RIMBP2: variants seen among roughly 807,000 people sequenced by gnomAD.
RIMBP2 encodes RIMS binding protein 2, also known as RIMS-binding protein 2.
RIMBP2 carries 48 observed loss-of-function variants against 118.6 expected under a neutral mutation model. The observed-to-expected ratio is 0.40, with a 90% CI of 0.32 to 0.51. RIMBP2 has a LOEUF of 0.51. Ranked by LOEUF, RIMBP2 falls within the 20% of genes least tolerant of loss-of-function variation. RIMBP2 has a pLI of 0.41. For missense variants in RIMBP2, 1,551 were observed against 1,768.3 expected (o/e 0.88, Z 2.20); for synonymous variants, 762 against 742.9 (o/e 1.03, Z -0.42).
chr12:130,438,524 G>A lies in RIMBP2; in HGVS notation c.1505-8C>T, dbSNP rs747983578. On this transcript the variant is annotated splice_region_variant and splice_polypyrimidine_tract_variant and intron_variant, in intron 11 of 22. Transcript: ENST00000690449. ...GTGGGGGTGCTGGGGGTCCTGGGAGGGGACAGAAGGGAACGGAGGCGTTCA... is the reference window on the plus strand; with the variant it reads ...GTGGGGGTGCTGGGGGTCCTGGGAGAGGACAGAAGGGAACGGAGGCGTTCA... 1.3e-6 allele frequency: 2 copies of A among 1,588,958 alleles called. No individual in the cohort carries two copies. Among genetic ancestry groups the A allele is most frequent in the East Asian group, 4.5e-5 (2 of 44,382 alleles).
rs897551160 is a variant in RIMBP2 at position 130,604,905 on chromosome 12, C to T, written c.-217+23417G>A. Among the ~76,000 whole-genome samples the T allele has an allele frequency of 4.0e-5, 6 of 151,636 alleles. No individual in the cohort carries two copies. In the East Asian group the frequency reaches 5.9e-4, roughly 15 times the overall value. On this transcript the variant is annotated intron_variant, in intron 2 of 22. Transcript: ENST00000690449. ...CCTCTTTCTCTTATCTTTTATACTG[C>T]ATGTTACTGTGCCTTTTCTGCAAGG...
At chr12:130,499,725 C>T (rs1337889939) in intron 4 of RIMBP2, among the ~76,000 whole-genome samples, 1 of 152,156 alleles carries the variant, frequency 6.6e-6, no homozygotes, top group Non-Finnish European at 1.5e-5. Flanking sequence ...GTGAGGTCTC[C>T]CCAACCACTA....
intron 1 of RIMBP2, among the ~76,000 whole-genome samples, chr12:130,702,653 G>A (rs1465560181): frequency 6.6e-6 from 1 of 152,178 alleles, no homozygotes; most frequent in Non-Finnish European, 1.5e-5. Flanking sequence ...GGAATGGTGT[G>A]TGTGAGAGCA....
chr12:130,617,994 C>A lies in RIMBP2; in HGVS notation c.-217+10328G>T, dbSNP rs112573374. Among the ~76,000 whole-genome samples, 39,986 of 112,480 alleles carry A rather than the reference C, an allele frequency of 0.36. 6,513 individuals carry two copies. The highest frequency in any genetic ancestry group is 0.48 in the Middle Eastern group (105 of 220). 73.8% of individuals were successfully genotyped at this position (112,480 alleles called of 152,430 possible). On this transcript the variant is annotated intron_variant, in intron 2 of 22. Transcript: ENST00000690449. This position sits in a 1 kb window ranked among gnomAD's most constrained non-coding sequence, Gnocchi z 4.6. ...ATCACTTGAGCCCAGGAGTTTGAGA[C>A]CAGCCTGGGCAACATAGAAAGACCT... is the stretch of plus-strand genomic sequence containing the variant.
intron 1 of RIMBP2, among the ~76,000 whole-genome samples, chr12:130,657,389 C>A (rs1228895407): frequency 6.6e-6 from 1 of 152,180 alleles, no homozygotes; most frequent in Non-Finnish European, 1.5e-5. Flanking sequence ...GGAAATAAAG[C>A]AGAGATCACC....
At chr12:130,675,416 C>G (rs2064409923) in intron 1 of RIMBP2, among the ~76,000 whole-genome samples, 1 of 152,188 alleles carries the variant, frequency 6.6e-6, no homozygotes, top group African/African-American at 2.4e-5. Flanking sequence ...GATCCACCAC[C>G]CGCCAGCCTG....
chr12:130,494,810 C>T (rs10848114), intron 4 of RIMBP2, among the ~76,000 whole-genome samples: 63,177 of 152,010 alleles, frequency 0.42, 14,144 homozygotes, highest in East Asian at 0.74. Context: ...CATTTGTGAC[C>T]GCTGGGTCAC....
intron 2 of RIMBP2, among the ~76,000 whole-genome samples, chr12:130,562,837 C>T (rs569903265): frequency 9.5e-4 from 144 of 152,338 alleles, no homozygotes; most frequent in African/African-American, 3.4e-3. Flanking sequence ...TGGTCTGTAT[C>T]TGACAGCTCA....
intron 1 of RIMBP2, among the ~76,000 whole-genome samples, chr12:130,704,652 C>T (rs2066010566): frequency 6.6e-6 from 1 of 152,154 alleles, no homozygotes; most frequent in Non-Finnish European, 1.5e-5. Flanking sequence ...TTAGATGGCA[C>T]TCCGCATTTT....
intron 1 of RIMBP2, among the ~76,000 whole-genome samples, chr12:130,665,731 A>G (rs1025240700): frequency 6.8e-6 from 1 of 147,856 alleles, no homozygotes; most frequent in Non-Finnish European, 1.5e-5. Flanking sequence ...CTGGTATTGG[A>G]TTGGATCCTG....
chr12:130,539,725 G>C lies in RIMBP2; in HGVS notation c.-216-21808C>G, dbSNP rs555015006. ...GGTGTAGGCTATGGCAAATGCAGTC[G>C]ATGAGGTGGCCAGGTGTAGGATATG... is the stretch of plus-strand genomic sequence containing the variant. On this transcript the variant is annotated intron_variant, in intron 2 of 22. Coordinates refer to ENST00000690449, the MANE Select transcript of RIMBP2 (RefSeq NM_001393629.1). 2.0e-3 allele frequency among the ~76,000 whole-genome samples: 231 copies of C among 113,498 alleles called. 2 individuals are homozygous for C. Among genetic ancestry groups the C allele is most frequent in the African/African-American group, 8.5e-3 (218 of 25,652 alleles). The allele number at this position is 113,498 out of a possible 152,430, so 74.5% of individuals were successfully genotyped here. A position where few individuals can be genotyped will look rare whatever the true frequency, so the allele number is the denominator to read the frequency against.
intron 1 of RIMBP2, among the ~76,000 whole-genome samples, chr12:130,664,465 A>ACACG (rs1555320963): frequency 1.6e-5 from 2 of 122,632 alleles, no homozygotes; most frequent in South Asian, 2.9e-4. Context: ...ATGCACGCAC[A>ACACG]CACACGCACG....
At chr12:130,438,334 A>ATGGC in intron 12 of RIMBP2, 31 bp downstream of exon 12, 6 of 1,344,510 alleles carry the variant, frequency 4.5e-6, no homozygotes, top group Non-Finnish European at 6.4e-6. Flanking sequence ...GGGCCTAACA[A>ATGGC]ACCCTCCCCA....
At position 130,525,524 on chromosome 12, in the gene RIMBP2, T is replaced by G. The variant is rs55921195; in HGVS notation, c.-216-7607A>C. On this transcript the variant is annotated intron_variant, in intron 2 of 22. Transcript: ENST00000690449. This position sits in a 1 kb window ranked among gnomAD's most constrained non-coding sequence, Gnocchi z 4.4. ...CACAGAGTCAGTAACTCCTCCTTCC[T>G]CCCACAGGCGAGTGGAATGTGGGTA... Among the ~76,000 whole-genome samples the G allele has an allele frequency of 4.5e-3, 691 of 152,136 alleles. 6 individuals are homozygous for G. The highest frequency in any genetic ancestry group is 0.016 in the African/African-American group (668 of 41,488).
At chr12:130,690,269 C>A (rs1017235657) in intron 1 of RIMBP2, among the ~76,000 whole-genome samples, 3 of 152,122 alleles carry the variant, frequency 2.0e-5, no homozygotes, top group Non-Finnish European at 4.4e-5. Flanking sequence ...GGATCATGGA[C>A]ACAGAGAGAG....
chr12:130,470,108 G>A (rs535788597), intron 6 of RIMBP2: 1 of 152,430 alleles, frequency 6.6e-6, no homozygotes, highest in East Asian at 1.9e-4. Context: ...CAAGGCCCCA[G>A]TGGGAAACAT....
chr12:130,496,327 C>G (rs537902544), intron 4 of RIMBP2, among the ~76,000 whole-genome samples: 109 of 152,292 alleles, frequency 7.2e-4, no homozygotes, highest in African/African-American at 2.5e-3. Flanking sequence ...ACATGACTTT[C>G]ACCTACCACC....
intron 1 of RIMBP2, among the ~76,000 whole-genome samples, chr12:130,662,566 G>A (rs2136357039): frequency 1.3e-5 from 2 of 152,172 alleles, no homozygotes; most frequent in South Asian, 4.1e-4. Context: ...TGAGACAGGA[G>A]AATCACTGGA....
chr12:130,677,640 C>CA (rs201305479), intron 1 of RIMBP2, among the ~76,000 whole-genome samples: 11 of 151,698 alleles, frequency 7.3e-5, no homozygotes, highest in Admixed American at 2.0e-4. Context: ...AAAAAACAAA[C>CA]AAAAAAAAGA....
Sources: gnomAD v4.1 joint callset for allele counts (sites outside exome capture counted in the v4.1 genomes callset) on GRCh38, gnomAD v4.1.1 for gene constraint, Gnocchi (gnomAD v3.1) non-coding constraint, MANE v1.5 for transcripts, NCBI Gene and HGNC (gene_info 2026-07-23, HGNC 2026-07-21) for gene names.